DSCAM: variants seen among roughly 807,000 people sequenced by gnomAD.
DSCAM encodes the protein cell adhesion molecule DSCAM.
A neutral mutation model predicts 217.7 loss-of-function variants in DSCAM; 47 were observed. The observed-to-expected ratio is 0.22, with a 90% CI of 0.17 to 0.28. The LOEUF (loss-of-function observed/expected upper bound fraction) is 0.28. DSCAM is among the 10% of genes least tolerant of loss of function. The probability of loss-of-function intolerance (pLI) is 1.00; values close to 1 mark genes in which losing one functional copy is unlikely to be tolerated. For synonymous variants in DSCAM, 1,056 were observed against 1,015.3 expected, an observed-to-expected ratio of 1.04 and a Z score of -0.76; for missense variants, 2,080 against 2,618.3, an observed-to-expected ratio of 0.79 and a Z score of 4.49.
chr21:40,417,009 C>G (rs2075378389), intron 3 of DSCAM, among the ~76,000 whole-genome samples: 1 of 152,086 alleles, frequency 6.6e-6, no homozygotes, highest in Non-Finnish European at 1.5e-5. Flanking sequence ...ATTTTGTCAT[C>G]TGAAAAGGTG....
intron 3 of DSCAM, among the ~76,000 whole-genome samples, chr21:40,474,322 A>AG (rs1272014321): frequency 6.6e-6 from 1 of 151,834 alleles, no homozygotes; most frequent in Non-Finnish European, 1.5e-5. Context: ...TATTAAAAAA[A>AG]AACACAACCA....
At chr21:40,315,632 G>T (rs2074188506) in intron 8 of DSCAM, among the ~76,000 whole-genome samples, 1 of 152,088 alleles carries the variant, frequency 6.6e-6, no homozygotes, top group Non-Finnish European at 1.5e-5. Flanking sequence ...TCAGTGTATG[G>T]TATTTAAGGA....
chr21:40,636,825 C>T (rs948442913), intron 3 of DSCAM, among the ~76,000 whole-genome samples: 3 of 149,736 alleles, frequency 2.0e-5, no homozygotes, highest in Non-Finnish European at 4.4e-5. Flanking sequence ...GATATGCTCC[C>T]TCAAAATAAA....
At chr21:40,682,531 GAAAA>G (rs1215811785) in intron 3 of DSCAM, among the ~76,000 whole-genome samples, 2 of 118,086 alleles carry the variant, frequency 1.7e-5, no homozygotes, top group African/African-American at 3.2e-5. Context: ...GAAAGAAAAA[GAAAA>G]AAGAAAGAAA....
chr21:40,303,464 T>C (rs2074038544), intron 9 of DSCAM, among the ~76,000 whole-genome samples: 1 of 152,134 alleles, frequency 6.6e-6, no homozygotes, highest in Non-Finnish European at 1.5e-5. Flanking sequence ...CTACCTAAAA[T>C]ACTATTTTCA....
At chr21:40,044,711 TTACGATGTTTG>T (rs1206169790) in intron 30 of DSCAM, among the ~76,000 whole-genome samples, 13 of 152,184 alleles carry the variant, frequency 8.5e-5, no homozygotes. Flanking sequence ...GGTACTTTGG[TTACGATGTTTG>T]CAACTGCAAT....
At chr21:40,425,669 CAAAAAA>C (rs34174337) in intron 3 of DSCAM, among the ~76,000 whole-genome samples, 2 of 69,000 alleles carry the variant, frequency 2.9e-5, no homozygotes, top group South Asian at 5.8e-4. Flanking sequence ...ACTCGGTGTC[CAAAAAA>C]AAAAAAAAAA....
chr21:40,021,992 C>A (rs79056574), intron 32 of DSCAM, among the ~76,000 whole-genome samples: 1 of 152,174 alleles, frequency 6.6e-6, no homozygotes, highest in African/African-American at 2.4e-5. Flanking sequence ...TTCAGACACA[C>A]GCAAGGTTTG....
At chr21:40,833,065 C>T (rs1437138733) in intron 1 of DSCAM, among the ~76,000 whole-genome samples, 3 of 152,108 alleles carry the variant, frequency 2.0e-5, no homozygotes, top group African/African-American at 4.8e-5. Context: ...ACACCCCTCC[C>T]GGGGCCATCA....
chr21:40,841,126 GA>G (rs1268548125), intron 1 of DSCAM, among the ~76,000 whole-genome samples: 3 of 152,120 alleles, frequency 2.0e-5, no homozygotes, highest in African/African-American at 7.2e-5. Context: ...AAGATTTTTA[GA>G]AAAAGGATAA....
intron 3 of DSCAM, among the ~76,000 whole-genome samples, chr21:40,417,392 G>A (rs1475307950): frequency 6.6e-6 from 1 of 152,042 alleles, no homozygotes; most frequent in East Asian, 1.9e-4. Context: ...AGACAATAAA[G>A]GTGAAGAAAT....
At chr21:40,424,572 G>C (rs1015471258) in intron 3 of DSCAM, among the ~76,000 whole-genome samples, 2 of 152,192 alleles carry the variant, frequency 1.3e-5, no homozygotes, top group Non-Finnish European at 2.9e-5. Flanking sequence ...GGAGGTGTAA[G>C]CTCCAGAACT....
intron 3 of DSCAM, among the ~76,000 whole-genome samples, chr21:40,622,214 G>A (rs1395009311): frequency 6.6e-6 from 1 of 151,876 alleles, no homozygotes; most frequent in African/African-American, 2.4e-5. Flanking sequence ...GACCCCTGAA[G>A]TCAACGTACT....
At chr21:40,805,271 G>GT in intron 1 of DSCAM, among the ~76,000 whole-genome samples, 1 of 152,246 alleles carries the variant, frequency 6.6e-6, no homozygotes, top group African/African-American at 2.4e-5. Flanking sequence ...GCTCTCTCTT[G>GT]TATGTCTATC....
At chr21:40,262,605 G>A (rs1462083433) in intron 11 of DSCAM, among the ~76,000 whole-genome samples, 2 of 152,140 alleles carry the variant, frequency 1.3e-5, no homozygotes, top group African/African-American at 2.4e-5. Context: ...CCTAACACAA[G>A]CCCAAGTTTA....
At chr21:40,374,405 A>C (rs558715679) in intron 3 of DSCAM, among the ~76,000 whole-genome samples, 96 of 152,334 alleles carry the variant, frequency 6.3e-4, no homozygotes, top group African/African-American at 2.3e-3. Flanking sequence ...AACCGCATAT[A>C]TTAAAGAAAG....
intron 1 of DSCAM, among the ~76,000 whole-genome samples, chr21:40,737,086 G>C (rs1449805273): frequency 2.0e-5 from 3 of 152,152 alleles, no homozygotes; most frequent in Non-Finnish European, 4.4e-5. Context: ...GAAGATTCTA[G>C]AATTATGGGA....
intron 8 of DSCAM, among the ~76,000 whole-genome samples, chr21:40,318,144 A>T (rs1007299886): frequency 1.5e-5 from 2 of 132,392 alleles, no homozygotes; most frequent in African/African-American, 5.7e-5. Flanking sequence ...ATGAGAACAC[A>T]TGGACACAGC....
intron 1 of DSCAM, among the ~76,000 whole-genome samples, chr21:40,788,878 T>C (rs2091615539): frequency 6.6e-6 from 1 of 152,228 alleles, no homozygotes; most frequent in Non-Finnish European, 1.5e-5. Context: ...TTGACCTTTT[T>C]ATACTGTTTT....
Sources: gnomAD v4.1 joint callset for allele counts (sites outside exome capture counted in the v4.1 genomes callset) on GRCh38, gnomAD v4.1.1 for gene constraint, MANE v1.5 for transcripts, NCBI Gene and HGNC (gene_info 2026-07-23, HGNC 2026-07-21) for gene names.